Variants in BCL2 observed in about 807,000 individuals in gnomAD.
The protein encoded by BCL2 is BCL2 apoptosis regulator.
A neutral mutation model predicts 14.2 loss-of-function variants in BCL2; 1 was observed. That is an observed-to-expected ratio of 0.07 (90% CI 0.02 to 0.33). BCL2 has a LOEUF of 0.33. Ranked by LOEUF, BCL2 falls within the 10% of genes least tolerant of loss-of-function variation. The pLI, the probability that BCL2 is intolerant of heterozygous loss-of-function variation, is 0.99. For missense variants in BCL2, 247 were observed against 305.9 expected (o/e 0.81, Z 1.44); for synonymous variants, 151 against 137.2 (o/e 1.10, Z -0.70).
chr18:63,213,575 C>CACAT (rs1910112177), intron 2 of BCL2, among the ~76,000 whole-genome samples: 1 of 148,142 alleles, frequency 6.8e-6, no homozygotes, highest in African/African-American at 2.5e-5. Flanking sequence ...CACACACACA[C>CACAT]ACACTATGAA....
At chr18:63,179,382 C>T (rs1281421791) in intron 2 of BCL2, among the ~76,000 whole-genome samples, 1 of 152,230 alleles carries the variant, frequency 6.6e-6, no homozygotes, top group Non-Finnish European at 1.5e-5. Flanking sequence ...ACCGTACATT[C>T]CAGCCCCCGA....
intron 2 of BCL2, among the ~76,000 whole-genome samples, chr18:63,211,696 G>A (rs1347513853): frequency 6.6e-6 from 1 of 152,192 alleles, no homozygotes; most frequent in Non-Finnish European, 1.5e-5. Flanking sequence ...TTGTTGCTGT[G>A]TAGTTCTTTT....
chr18:63,162,149 T>C (rs1320956860), intron 2 of BCL2, among the ~76,000 whole-genome samples: 1 of 152,096 alleles, frequency 6.6e-6, no homozygotes, highest in East Asian at 1.9e-4. Context: ...CATCACCCAG[T>C]GACAGAAAAG....
intron 2 of BCL2, among the ~76,000 whole-genome samples, chr18:63,286,462 G>A (rs1299080633): frequency 1.3e-5 from 2 of 152,172 alleles, no homozygotes; most frequent in Non-Finnish European, 2.9e-5. Flanking sequence ...TTCAACAAAG[G>A]AGTTGAACGT....
intron 2 of BCL2, among the ~76,000 whole-genome samples, chr18:63,299,438 A>C (rs1260897105): frequency 6.6e-6 from 1 of 152,202 alleles, no homozygotes; most frequent in East Asian, 1.9e-4. Flanking sequence ...TCACTTGGGC[A>C]CCTGACCCCA....
intron 2 of BCL2, among the ~76,000 whole-genome samples, chr18:63,182,058 G>C (rs1267091640): frequency 6.6e-6 from 1 of 152,162 alleles, no homozygotes; most frequent in African/African-American, 2.4e-5. Flanking sequence ...CCCTTATCTT[G>C]CTCTGCCTTC....
chr18:63,134,721 T>A (rs1013919798), intron 2 of BCL2, among the ~76,000 whole-genome samples: 1 of 152,226 alleles, frequency 6.6e-6, no homozygotes, highest in African/African-American at 2.4e-5. Context: ...TGCCTCTATG[T>A]GCACATTTGA....
At chr18:63,285,742 G>A (rs780767892) in intron 2 of BCL2, among the ~76,000 whole-genome samples, 7 of 152,098 alleles carry the variant, frequency 4.6e-5, no homozygotes, top group Non-Finnish European at 1.5e-5. Context: ...TTCCATGCAG[G>A]GCAAATCTGT....
intron 2 of BCL2, among the ~76,000 whole-genome samples, chr18:63,253,017 A>C (rs998724597): frequency 6.6e-6 from 1 of 152,260 alleles, no homozygotes; most frequent in Non-Finnish European, 1.5e-5. Context: ...CCAACTCTGT[A>C]CACAAAAACA....
intron 2 of BCL2, among the ~76,000 whole-genome samples, chr18:63,178,471 G>T (rs1915401215): frequency 6.6e-6 from 1 of 152,194 alleles, no homozygotes; most frequent in South Asian, 2.1e-4. Context: ...ATTTCCATCA[G>T]ATTAAAATAC....
Position 63,318,809 on chromosome 18 carries a change from AT to A in BCL2, c.-144del. On this transcript the variant is annotated 5_prime_UTR_variant, in exon 2 of 3. An upstream open reading frame in the 5' UTR loses its in-frame stop. Coordinates refer to ENST00000333681, the MANE Select transcript of BCL2 (RefSeq NM_000633.3). The surrounding 1 kb of genome is among the most constrained non-coding windows in gnomAD (Gnocchi z 7.4). ...ATTCTTGGACGAGGGGGTGTCTTCA[AT>A]CACGCGGAACACTTGATTCTGGTGT... is the stretch of plus-strand genomic sequence containing the variant. The A allele has an allele frequency of 6.9e-7, 1 of 1,455,894 alleles. No individual in the cohort carries two copies. The highest frequency in any genetic ancestry group is 9.1e-7 in the Non-Finnish European group (1 of 1,103,676). The allele number at this position is 1,455,894 out of a possible 1,614,324, so 90.2% of individuals were successfully genotyped here.
chr18:63,246,521 T>C (rs1171741148), intron 2 of BCL2, among the ~76,000 whole-genome samples: 1 of 151,800 alleles, frequency 6.6e-6, no homozygotes, highest in Non-Finnish European at 1.5e-5. Context: ...AACCACCAGG[T>C]CTCATGAGAC....
chr18:63,171,758 T>C (rs961874872), intron 2 of BCL2, among the ~76,000 whole-genome samples: 1 of 152,222 alleles, frequency 6.6e-6, no homozygotes, highest in African/African-American at 2.4e-5. Flanking sequence ...GAGGATTCCT[T>C]GAGCCTTGAA....
intron 2 of BCL2, among the ~76,000 whole-genome samples, chr18:63,178,865 G>C (rs901484370): frequency 6.7e-6 from 1 of 148,642 alleles, no homozygotes; most frequent in South Asian, 2.1e-4. Context: ...TTAAAGGGCA[G>C]GTTCCCAGGC....
At chr18:63,201,610 A>C (rs1369250062) in intron 2 of BCL2, among the ~76,000 whole-genome samples, 1 of 152,202 alleles carries the variant, frequency 6.6e-6, no homozygotes, top group Admixed American at 6.5e-5. Context: ...GGATAAAGAA[A>C]CTGTGGCACA....
rs761382113 is a variant in BCL2, at chr18:63,318,417, G to A, written c.250C>T (p.Pro84Ser). Residue 84 changes from proline (P) to serine (S), a missense_variant, in exon 2 of 3, where the codon CCT becomes TCT. This residue lies in a region of BCL2 where 144 missense variants were observed against 135.3 expected (regional missense o/e 1.06). Coordinates refer to ENST00000333681, the MANE Select transcript of BCL2 (RefSeq NM_000633.3). This position sits in a 1 kb window ranked among gnomAD's most constrained non-coding sequence, Gnocchi z 7.4. ...TPAAPGAAAG[P>S]ALSPVPPVVH... ...ACAGGTGGCACCGGGCTGAGCGCAG[G>A]CCCCGCGGCGGCGCCGGGGGCAGCC... The A allele has an allele frequency of 2.7e-6, 4 of 1,501,380 alleles. No individual in the cohort carries two copies. The African/African-American group carries it at 5.8e-5, about 22-fold the overall frequency. The allele number at this position is 1,501,380 out of a possible 1,614,324, so 93.0% of individuals were successfully genotyped here. A position where few individuals can be genotyped will look rare whatever the true frequency, so the allele number is the denominator to read the frequency against.
intron 2 of BCL2, among the ~76,000 whole-genome samples, chr18:63,184,119 G>A (rs1915538581): frequency 6.6e-6 from 1 of 152,244 alleles, no homozygotes; most frequent in Non-Finnish European, 1.5e-5. Context: ...AATCAGAGCA[G>A]GGACTCATCG....
chr18:63,216,572 C>T (rs1910210825), intron 2 of BCL2, among the ~76,000 whole-genome samples: 1 of 152,054 alleles, frequency 6.6e-6, no homozygotes, highest in South Asian at 2.1e-4. Flanking sequence ...TAGAGACTGG[C>T]CTATTTTTAC....
chr18:63,260,418 C>A (rs562140218), intron 2 of BCL2, among the ~76,000 whole-genome samples: 12 of 152,182 alleles, frequency 7.9e-5, no homozygotes, highest in Non-Finnish European at 1.8e-4. Flanking sequence ...TTCAAGATCT[C>A]ATTTTATCAA....
Sources: allele counts gnomAD v4.1 joint callset (sites outside exome capture counted in the v4.1 genomes callset), GRCh38; gene constraint gnomAD v4.1.1; regional missense constraint gnomAD v4.1.1; non-coding constraint Gnocchi (gnomAD v3.1); transcripts MANE v1.5; gene names NCBI Gene and HGNC (gene_info 2026-07-23, HGNC 2026-07-21).